HEATR5A: variants seen among roughly 807,000 people sequenced by gnomAD.
HEATR5A encodes HEAT repeat-containing protein 5A.
In HEATR5A, 178 loss-of-function variants were observed where a neutral mutation model predicts 218.8. The ratio of observed to expected loss-of-function variants is 0.81; its 90% CI spans 0.72 to 0.92. The LOEUF (loss-of-function observed/expected upper bound fraction) is 0.92, where lower values mean the gene tolerates loss of function less well. Ranked by LOEUF, HEATR5A falls within the 40% of genes least tolerant of loss-of-function variation. HEATR5A has a pLI of 0.00. For synonymous variants in HEATR5A, 864 were observed against 871.6 expected, an observed-to-expected ratio of 0.99 and a Z score of 0.15; for missense variants, 2,420 against 2,418.9, an observed-to-expected ratio of 1.00 and a Z score of -0.01.
chr14:31,379,902 G>C (rs897453657), intron 11 of HEATR5A, among the ~76,000 whole-genome samples: 1 of 152,170 alleles, frequency 6.6e-6, no homozygotes, highest in Non-Finnish European at 1.5e-5. Flanking sequence ...AGGCTGCAGT[G>C]AGCCATGATC....
chr14:31,321,499 A>G lies in HEATR5A; in HGVS notation c.3969T>C (p.Asn1323=), dbSNP rs1412688917. The G allele has an allele frequency of 1.9e-6, 3 of 1,575,664 alleles. No homozygotes were observed. Among genetic ancestry groups the G allele is most frequent in the Non-Finnish European group, 2.6e-6 (3 of 1,161,034 alleles). Residue 1323 remains asparagine, a splice_region_variant and synonymous_variant, in exon 25 of 36, where the codon AAT becomes AAC. Transcript: ENST00000543095. ...GHVILEQYQA[N]VGAALRPAFT... is the part of the protein sequence containing the mutation. ...AAATTCTCTAAAAGAAAGTGCTTAC[A>G]TTGGCTTGATACTGTTCCAGAATCA...
Position 31,293,371 on chromosome 14 carries a change from T to A in HEATR5A, c.6075A>T (p.Pro2025=). 6.2e-7 allele frequency: 1 copy of A among 1,613,874 alleles called. No individual in the cohort carries two copies. Among genetic ancestry groups the A allele is most frequent in the Non-Finnish European group, 8.5e-7 (1 of 1,179,820 alleles). ...CAGGACTCTTAGTATATTTAGATGT[T>A]GGTATCTTGACTTTGACACTTTCCT... The part of the protein sequence containing the change: ...GNQESVKVKI[P]TSKYTKSPGK... The change falls in exon 36 of 36, where the codon CCA becomes CCT. Residue 2025 remains proline, a synonymous_variant. Transcript: ENST00000543095.
rs1901153398 is a variant in HEATR5A at position 31,349,770 on chromosome 14, A to C, written c.2708+19T>G. 1 of 1,566,496 alleles carries C rather than the reference A, an allele frequency of 6.4e-7. No individual in the cohort carries two copies. The highest frequency in any genetic ancestry group is 8.8e-7 in the Non-Finnish European group (1 of 1,139,480). On this transcript the variant is annotated intron_variant, in intron 18 of 35. Coordinates refer to ENST00000543095, the MANE Select transcript of HEATR5A (RefSeq NM_015473.4). ...TTTTGAAACATAGCCTCTGAATATT[A>C]AATAAGAAATTCACTTACTTGTCAA...
At chr14:31,314,255 T>C (rs1899846097) in intron 27 of HEATR5A, among the ~76,000 whole-genome samples, 1 of 151,330 alleles carries the variant, frequency 6.6e-6, no homozygotes, top group African/African-American at 2.4e-5. Context: ...GGTTATTTTA[T>C]TTATTTATTT....
chr14:31,330,090 T>A (rs1900411736), intron 22 of HEATR5A, among the ~76,000 whole-genome samples: 1 of 152,226 alleles, frequency 6.6e-6, no homozygotes, highest in African/African-American at 2.4e-5. Flanking sequence ...ACCCTTCATT[T>A]TCCCTTTGCA....
Position 31,326,343 on chromosome 14 carries a change from C to G in HEATR5A, c.3368-1G>C, listed in dbSNP as rs368616193. 4.4e-6 allele frequency: 7 copies of G among 1,605,466 alleles called. No individual in the cohort carries two copies. The highest frequency in any genetic ancestry group is 3.4e-5 in the Admixed American group (2 of 58,308). ...AGGCCAACTTCTCTGATGTTAGCATCTGACAAGAAGAAAATCAATTATCTA... is the reference window on the plus strand; with the variant it reads ...AGGCCAACTTCTCTGATGTTAGCATGTGACAAGAAGAAAATCAATTATCTA... On this transcript the variant is annotated splice_acceptor_variant, in intron 22 of 35. Transcript: ENST00000543095. LOFTEE classifies it high-confidence loss of function.
chr14:31,408,324 G>A (rs2031151358), intron 1 of HEATR5A, among the ~76,000 whole-genome samples: 1 of 152,112 alleles, frequency 6.6e-6, no homozygotes, highest in South Asian at 2.1e-4. Context: ...TTTACTTAAA[G>A]TTTTCCCTAA....
intron 1 of HEATR5A, among the ~76,000 whole-genome samples, chr14:31,403,946 T>C (rs957213300): frequency 7.2e-5 from 11 of 152,230 alleles, no homozygotes; most frequent in Non-Finnish European, 1.5e-4. Flanking sequence ...GATGCTTTAC[T>C]GCAACTTACT....
At chr14:31,312,773 C>T (rs1168119832) in intron 28 of HEATR5A, among the ~76,000 whole-genome samples, 195 bp downstream of exon 28, 1 of 152,048 alleles carries the variant, frequency 6.6e-6, no homozygotes, top group Non-Finnish European at 1.5e-5. Context: ...TGGTGTGTGC[C>T]TGTAGTCCTT....
In HEATR5A at chr14:31,308,019, T is replaced by C. The variant is rs1899609665; in HGVS notation, c.4692A>G (p.Gly1564=). The change falls in exon 30 of 36, where the codon GGA becomes GGG. Residue 1564 remains glycine, a splice_region_variant and synonymous_variant. Coordinates refer to ENST00000543095, the MANE Select transcript of HEATR5A (RefSeq NM_015473.4). ...AGGAACATAGAAATTCCACGCTGATTCCTGTGGAAAGCAAAAAAAGAGGAG... is the reference window on the plus strand; with the variant it reads ...AGGAACATAGAAATTCCACGCTGATCCCTGTGGAAAGCAAAAAAAGAGGAG... ...VYTDRFHLIL[G]ISVEFLCSLR... 1.9e-6 allele frequency: 3 copies of C among 1,597,842 alleles called. No individual in the cohort carries two copies. Among genetic ancestry groups the C allele is most frequent in the African/African-American group, 1.3e-5 (1 of 74,276 alleles).
chr14:31,315,073 T>G (rs1026328490), intron 27 of HEATR5A, among the ~76,000 whole-genome samples: 2 of 152,076 alleles, frequency 1.3e-5, no homozygotes, highest in African/African-American at 4.8e-5. Flanking sequence ...CTTGGGAGGT[T>G]GAGACACGAG....
At chr14:31,380,127 A>G (rs942459188) in intron 11 of HEATR5A, among the ~76,000 whole-genome samples, 3 of 152,198 alleles carry the variant, frequency 2.0e-5, no homozygotes, top group Non-Finnish European at 2.9e-5. Flanking sequence ...TCTTTTGCCT[A>G]TATTGTGGAA....
At position 31,379,516 on chromosome 14, in the gene HEATR5A, C is replaced by T. The variant is rs555540317; in HGVS notation, c.1708+951G>A. On this transcript the variant is annotated intron_variant, in intron 11 of 35. Transcript: ENST00000543095. Reference sequence around the variant, plus strand: ...CCACCCGCCTCAGCCTCCCAAAGTGCGGGGATTACAAGCGTGAGCCACCAT... The same window carrying T: ...CCACCCGCCTCAGCCTCCCAAAGTGTGGGGATTACAAGCGTGAGCCACCAT... 7.9e-5 allele frequency among the ~76,000 whole-genome samples: 12 copies of T among 152,266 alleles called. No individual in the cohort carries two copies. The South Asian group carries it at 2.3e-3, about 29-fold the overall frequency.
intron 23 of HEATR5A, among the ~76,000 whole-genome samples, chr14:31,324,865 G>A (rs965071731): frequency 2.6e-5 from 4 of 152,162 alleles, no homozygotes; most frequent in Non-Finnish European, 4.4e-5. Flanking sequence ...AGTTGAAACA[G>A]CCAGTGTAAA....
At chr14:31,407,592 A>ATATATATATATATATT (rs1474017170) in intron 1 of HEATR5A, among the ~76,000 whole-genome samples, 5 of 374 alleles carry the variant, frequency 0.013, no homozygotes, top group African/African-American at 0.046. Flanking sequence ...ATTTATATAT[A>ATATATATATATATATT]TATATATATA....
chr14:31,398,282 C>T (rs567007367), intron 4 of HEATR5A, among the ~76,000 whole-genome samples: 1 of 152,294 alleles, frequency 6.6e-6, no homozygotes, highest in South Asian at 2.1e-4. Flanking sequence ...GATGCTAGTA[C>T]AGTAACTCAT....
At chr14:31,304,229 AAG>A (rs1266111640) in intron 32 of HEATR5A, among the ~76,000 whole-genome samples, 1 of 152,102 alleles carries the variant, frequency 6.6e-6, no homozygotes, top group Non-Finnish European at 1.5e-5. Flanking sequence ...AACAACAAAA[AAG>A]AGTATGGAGT....
At chr14:31,336,359 G>T (rs1333947512) in intron 22 of HEATR5A, among the ~76,000 whole-genome samples, 1 of 150,812 alleles carries the variant, frequency 6.6e-6, no homozygotes, top group Non-Finnish European at 1.5e-5. Context: ...CTCCCAAAGT[G>T]CTGAGATTAC....
At chr14:31,364,488 T>G (rs1322689320) in intron 13 of HEATR5A, among the ~76,000 whole-genome samples, 190 bp from the exon 14 acceptor site, 1 of 152,192 alleles carries the variant, frequency 6.6e-6, no homozygotes, top group Non-Finnish European at 1.5e-5. Flanking sequence ...GGCATGATCT[T>G]GGCTCACGGC....
Sources: allele counts gnomAD v4.1 joint callset (sites outside exome capture counted in the v4.1 genomes callset), GRCh38; gene constraint gnomAD v4.1.1; transcripts MANE v1.5; gene names NCBI Gene and HGNC (gene_info 2026-07-23, HGNC 2026-07-21).